The following ARHGAP10 variants were observed in gnomAD, a reference collection of about 807,000 sequenced individuals.
The protein encoded by ARHGAP10 is Rho GTPase activating protein 10, also known as rho GTPase-activating protein 10.
Under a neutral mutation model 108.6 loss-of-function variants are expected in ARHGAP10, and 87 were observed. The observed-to-expected ratio is 0.80, with a 90% CI of 0.67 to 0.96. The LOEUF is 0.96. Ranked by LOEUF, ARHGAP10 falls within the 40% of genes least tolerant of loss-of-function variation. The pLI is 0.00. For synonymous variants in ARHGAP10, 347 were observed against 341.1 expected, an observed-to-expected ratio of 1.02 and a Z score of -0.19; for missense variants, 939 against 954.5, an observed-to-expected ratio of 0.98 and a Z score of 0.21.
chr4:147,851,405 GTC>G (rs1733872472), intron 4 of ARHGAP10, among the ~76,000 whole-genome samples: 1 of 152,074 alleles, frequency 6.6e-6, no homozygotes, highest in African/African-American at 2.4e-5. Context: ...TGTAGAGACG[GTC>G]TCTCTGTGTT....
chr4:147,817,392 A>G (rs1184763885), intron 1 of ARHGAP10, among the ~76,000 whole-genome samples: 1 of 152,142 alleles, frequency 6.6e-6, no homozygotes, highest in African/African-American at 2.4e-5. Context: ...TTTGTCTAAT[A>G]TCTCATGGTC....
chr4:147,984,549 A>G (rs976546178), intron 18 of ARHGAP10, among the ~76,000 whole-genome samples: 5 of 152,134 alleles, frequency 3.3e-5, no homozygotes, highest in African/African-American at 1.2e-4. Flanking sequence ...GGGTCTCCAG[A>G]TCTGGCTGTT....
intron 13 of ARHGAP10, among the ~76,000 whole-genome samples, chr4:147,921,585 C>T (rs971465447): frequency 5.3e-5 from 8 of 152,186 alleles, no homozygotes; most frequent in African/African-American, 1.9e-4. Context: ...TAAGGCAGAA[C>T]TTCTATCCTA....
intron 3 of ARHGAP10, among the ~76,000 whole-genome samples, chr4:147,839,130 A>G (rs112394510): frequency 0.019 from 2,814 of 147,976 alleles, 89 homozygotes; most frequent in African/African-American, 0.067. Flanking sequence ...CTATCTATCT[A>G]TCTATCTATC....
intron 18 of ARHGAP10, among the ~76,000 whole-genome samples, chr4:147,970,941 G>A (rs56834952): frequency 0.15 from 22,250 of 151,700 alleles, 1,943 homozygotes; most frequent in African/African-American, 0.25. Flanking sequence ...GAAAGTACAA[G>A]AATTAGCCAG....
chr4:147,918,132 G>GTTTTTTT (rs1737064545), intron 13 of ARHGAP10, among the ~76,000 whole-genome samples: 4 of 134,952 alleles, frequency 3.0e-5, no homozygotes, highest in African/African-American at 1.0e-4. Context: ...CTCTCATTAA[G>GTTTTTTT]ATTTTTTTTT....
intron 10 of ARHGAP10, among the ~76,000 whole-genome samples, chr4:147,902,547 C>G (rs1180801436): frequency 1.3e-5 from 2 of 152,030 alleles, no homozygotes; most frequent in Non-Finnish European, 2.9e-5. Context: ...TTGAGACCAG[C>G]CTGGCCAACA....
At chr4:147,870,711 A>G (rs1330005212) in intron 7 of ARHGAP10, among the ~76,000 whole-genome samples, 2 of 152,186 alleles carry the variant, frequency 1.3e-5, no homozygotes, top group African/African-American at 2.4e-5. Flanking sequence ...TATTTTAAGA[A>G]ACTAATTTTG....
At chr4:147,788,509 A>C (rs749575404) in intron 1 of ARHGAP10, among the ~76,000 whole-genome samples, 3 of 152,096 alleles carry the variant, frequency 2.0e-5, no homozygotes, top group Non-Finnish European at 4.4e-5. Context: ...TTGTGAAAGC[A>C]CTTTTGTTTG....
In ARHGAP10 at chr4:147,818,990, A is replaced by G. The variant is rs535334644; in HGVS notation, c.155-3737A>G. On this transcript the variant is annotated intron_variant, in intron 1 of 22. Transcript: ENST00000336498. ...ATAGAAATGCTTATATTTTAAAATG[A>G]AGAAATGATATAACTATAATTCTTA... 3.3e-5 allele frequency among the ~76,000 whole-genome samples: 5 copies of G among 152,354 alleles called. No individual in the cohort carries two copies. In the South Asian group the frequency reaches 1.0e-3, roughly 32 times the overall value.
intron 1 of ARHGAP10, among the ~76,000 whole-genome samples, chr4:147,818,691 T>G (rs1732364223): frequency 6.6e-6 from 1 of 152,176 alleles, no homozygotes; most frequent in Non-Finnish European, 1.5e-5. Context: ...GAGTTTTATG[T>G]GCAATGATAT....
intron 1 of ARHGAP10, among the ~76,000 whole-genome samples, chr4:147,790,351 T>A (rs919662724): frequency 3.9e-5 from 6 of 152,184 alleles, no homozygotes; most frequent in African/African-American, 1.2e-4. Flanking sequence ...TGTTTCAACA[T>A]ATGAATTTTG....
At chr4:147,733,440 C>G (rs1051902659) in intron 1 of ARHGAP10, among the ~76,000 whole-genome samples, 1 of 152,140 alleles carries the variant, frequency 6.6e-6, no homozygotes, top group African/African-American at 2.4e-5. Context: ...AAAGACCTGT[C>G]CATACAGCAG....
At chr4:147,900,673 C>G (rs963670013) in intron 10 of ARHGAP10, among the ~76,000 whole-genome samples, 13 of 152,166 alleles carry the variant, frequency 8.5e-5, no homozygotes, top group African/African-American at 3.1e-4. Flanking sequence ...AGCAATATGG[C>G]TCCAAGAACC....
Position 147,932,732 on chromosome 4 carries a change from G to A in ARHGAP10, c.1229-7093G>A, listed in dbSNP as rs1737755015. Among the ~76,000 whole-genome samples the A allele has an allele frequency of 3.3e-5, 5 of 152,244 alleles. No individual in the cohort carries two copies. In the South Asian group the frequency reaches 1.0e-3, roughly 32 times the overall value. On this transcript the variant is annotated intron_variant, in intron 13 of 22. Transcript: ENST00000336498. ...TAATACCTGAGTAATGGGATGGTCTGTGCAGCAAACCACTATGGCACACGT... is the reference window on the plus strand; with the variant it reads ...TAATACCTGAGTAATGGGATGGTCTATGCAGCAAACCACTATGGCACACGT...
chr4:147,900,629 C>A (rs754847265), intron 10 of ARHGAP10, among the ~76,000 whole-genome samples: 3 of 152,218 alleles, frequency 2.0e-5, no homozygotes, highest in Non-Finnish European at 2.9e-5. Flanking sequence ...GAGAAAATGG[C>A]AGTGTTCTCA....
chr4:148,058,010 C>T (rs538857039), intron 20 of ARHGAP10, among the ~76,000 whole-genome samples: 22 of 152,336 alleles, frequency 1.4e-4, no homozygotes, highest in Admixed American at 3.9e-4. Context: ...TGTTGTCCCT[C>T]GGTGTGCTCG....
At chr4:148,023,188 G>T (rs1446512440) in intron 18 of ARHGAP10, 75 bp from the exon 19 acceptor site, 76 of 1,528,124 alleles carry the variant, frequency 5.0e-5, no homozygotes, top group Non-Finnish European at 6.3e-5. Flanking sequence ...AAATGTTGTG[G>T]TGCTGGTTTA....
intron 1 of ARHGAP10, among the ~76,000 whole-genome samples, chr4:147,738,485 G>A (rs1316672287): frequency 6.6e-6 from 1 of 152,114 alleles, no homozygotes; most frequent in Admixed American, 6.5e-5. Context: ...CCCAGGAGGT[G>A]GAGCTTTCAG....
Sources: gnomAD v4.1 joint callset for allele counts (sites outside exome capture counted in the v4.1 genomes callset) on GRCh38, gnomAD v4.1.1 for gene constraint, MANE v1.5 for transcripts, NCBI Gene and HGNC (gene_info 2026-07-23, HGNC 2026-07-21) for gene names.